The following PTPRD variants were observed in gnomAD, a reference collection of about 807,000 sequenced individuals.
The protein encoded by PTPRD is protein tyrosine phosphatase receptor type D, also known as receptor-type tyrosine-protein phosphatase delta.
A neutral mutation model predicts 214.5 loss-of-function variants in PTPRD; 34 were observed. The ratio of observed to expected loss-of-function variants is 0.16; its 90% CI spans 0.12 to 0.21. PTPRD has a LOEUF of 0.21. PTPRD is among the 10% of genes least tolerant of loss of function. The pLI, the probability that PTPRD is intolerant of heterozygous loss-of-function variation, is 1.00. For synonymous variants in PTPRD, 1,128 were observed against 845.7 expected (o/e 1.33, Z -5.79); for missense variants, 2,545 against 2,398.7 (o/e 1.06, Z -1.27).
chr9:9,538,363 G>C (rs2076929306), intron 8 of PTPRD, among the ~76,000 whole-genome samples: 2 of 151,878 alleles, frequency 1.3e-5, no homozygotes, highest in African/African-American at 4.8e-5. Flanking sequence ...TTGTCTCCGA[G>C]ACAACCATTA....
At chr9:10,468,054 G>C (rs574159072) in intron 2 of PTPRD, among the ~76,000 whole-genome samples, 83 of 152,250 alleles carry the variant, frequency 5.5e-4, no homozygotes, top group African/African-American at 1.9e-3. Flanking sequence ...CTGTTGGTGG[G>C]AGTGTAAATT....
chr9:8,371,559 T>TA (rs1456375869), intron 39 of PTPRD, among the ~76,000 whole-genome samples: 1 of 152,074 alleles, frequency 6.6e-6, no homozygotes, highest in African/African-American at 2.4e-5. Flanking sequence ...TCTCCAGAGT[T>TA]ACAACTCAAA....
chr9:8,766,393 A>T (rs2094750935), intron 11 of PTPRD, among the ~76,000 whole-genome samples: 1 of 152,120 alleles, frequency 6.6e-6, no homozygotes, highest in Non-Finnish European at 1.5e-5. Flanking sequence ...GGGACGGCAT[A>T]TTCTGCAGGG....
At chr9:8,677,288 G>C (rs931820556) in intron 12 of PTPRD, among the ~76,000 whole-genome samples, 2 of 152,104 alleles carry the variant, frequency 1.3e-5, no homozygotes, top group Non-Finnish European at 2.9e-5. Context: ...ATCAACAGTA[G>C]ACAGGATAAA....
chr9:10,504,231 C>A (rs1445856919), intron 2 of PTPRD, among the ~76,000 whole-genome samples: 1 of 149,700 alleles, frequency 6.7e-6, no homozygotes, highest in Non-Finnish European at 1.5e-5. Flanking sequence ...ATATATGCAT[C>A]GAACTCTCTC....
At chr9:8,511,841 C>T (rs1216586481) in intron 21 of PTPRD, among the ~76,000 whole-genome samples, 1 of 152,022 alleles carries the variant, frequency 6.6e-6, no homozygotes, top group East Asian at 1.9e-4. Flanking sequence ...AGATCATAAT[C>T]CTACTGATAC....
chr9:9,863,484 T>C (rs1381709211), intron 5 of PTPRD, among the ~76,000 whole-genome samples: 1 of 152,180 alleles, frequency 6.6e-6, no homozygotes, highest in Non-Finnish European at 1.5e-5. Context: ...TCTCCCATTG[T>C]GTAGCAACTA....
Position 9,134,113 on chromosome 9 carries a change from T to C in PTPRD, c.-143+49191A>G, listed in dbSNP as rs79045182. 5.2e-3 allele frequency among the ~76,000 whole-genome samples: 683 copies of C among 132,076 alleles called. 27 individuals carry two copies. Among genetic ancestry groups the C allele is most frequent in the African/African-American group, 0.018 (615 of 34,954 alleles). The allele number at this position is 132,076 out of a possible 152,430, so 86.6% of individuals were successfully genotyped here. ...CGGAGTCTCGCTCTGTCGCCCAGGC[T>C]GGACTGCGGACTGCAGTGGCGCAAT... On this transcript the variant is annotated intron_variant, in intron 10 of 45. Coordinates refer to ENST00000381196, the MANE Select transcript of PTPRD (RefSeq NM_002839.4).
At chr9:10,479,836 C>T (rs893475396) in intron 2 of PTPRD, among the ~76,000 whole-genome samples, 2 of 151,674 alleles carry the variant, frequency 1.3e-5, no homozygotes, top group East Asian at 1.9e-4. Context: ...AAGAACAAAC[C>T]GCGGAGCTGT....
chr9:8,770,440 A>G (rs2095117345), intron 11 of PTPRD, among the ~76,000 whole-genome samples: 1 of 152,128 alleles, frequency 6.6e-6, no homozygotes, highest in Non-Finnish European at 1.5e-5. Context: ...ATGTTCTATG[A>G]GCTTTGTCTA....
intron 9 of PTPRD, among the ~76,000 whole-genome samples, chr9:9,216,036 C>T (rs1275540194): frequency 6.6e-6 from 1 of 152,154 alleles, no homozygotes; most frequent in Non-Finnish European, 1.5e-5. Context: ...TCAGAACACA[C>T]AATCTAGTGT....
intron 12 of PTPRD, among the ~76,000 whole-genome samples, chr9:8,647,263 A>G (rs1179085592): frequency 6.6e-6 from 1 of 152,202 alleles, no homozygotes; most frequent in Non-Finnish European, 1.5e-5. Flanking sequence ...TTTTAAGTAA[A>G]ATGACTTTAC....
chr9:9,582,571 C>A (rs56398723), intron 7 of PTPRD, among the ~76,000 whole-genome samples: 10 of 151,864 alleles, frequency 6.6e-5, no homozygotes, highest in African/African-American at 2.4e-4. Context: ...GAGAATAAAA[C>A]GTGGGAGGAA....
At chr9:9,979,900 T>G (rs1212464743) in intron 4 of PTPRD, among the ~76,000 whole-genome samples, 2 of 152,156 alleles carry the variant, frequency 1.3e-5, no homozygotes, top group African/African-American at 2.4e-5. Context: ...AAATACGGGA[T>G]GCTTGATAAA....
intron 3 of PTPRD, among the ~76,000 whole-genome samples, chr9:10,302,734 C>T (rs2095903837): frequency 6.6e-6 from 1 of 152,122 alleles, no homozygotes; most frequent in African/African-American, 2.4e-5. Flanking sequence ...TATATATGCA[C>T]CCAATACAGG....
rs562570097 is a variant in PTPRD at position 8,985,051 on chromosome 9, T to C, written c.-104+33646A>G. Among the ~76,000 whole-genome samples, 194 of 152,246 alleles carry C rather than the reference T, an allele frequency of 1.3e-3. 2 individuals carry two copies. Among genetic ancestry groups the C allele is most frequent in the African/African-American group, 4.5e-3 (187 of 41,570 alleles). On this transcript the variant is annotated intron_variant, in intron 11 of 45. Coordinates refer to ENST00000381196, the MANE Select transcript of PTPRD (RefSeq NM_002839.4). ...TCTTGCAAGCTCAATTTTTAGAATC[T>C]AGTTCAATGGGCTGAAAGAAAAACA...
At chr9:10,111,794 C>G in intron 3 of PTPRD, among the ~76,000 whole-genome samples, 1 of 152,172 alleles carries the variant, frequency 6.6e-6, no homozygotes, top group Admixed American at 6.5e-5. Context: ...ACTGCTACTT[C>G]TTAGCTCTGT....
At chr9:9,184,384 C>T (rs2099930111) in intron 9 of PTPRD, among the ~76,000 whole-genome samples, 1 of 152,030 alleles carries the variant, frequency 6.6e-6, no homozygotes, top group Non-Finnish European at 1.5e-5. Flanking sequence ...ATATGATCCT[C>T]ATTCTATGTT....
intron 11 of PTPRD, among the ~76,000 whole-genome samples, chr9:8,741,582 T>TTTTTTTTTTTTTTTTTTTTG (rs2091948759): frequency 2.8e-5 from 1 of 35,330 alleles, no homozygotes; most frequent in Non-Finnish European, 7.5e-5. Context: ...TTTTTTTTTT[T>TTTTTTTTTTTTTTTTTTTTG]TTTTTTTTTT....
Sources: allele counts gnomAD v4.1 joint callset (sites outside exome capture counted in the v4.1 genomes callset), GRCh38; gene constraint gnomAD v4.1.1; transcripts MANE v1.5; gene names NCBI Gene and HGNC (gene_info 2026-07-23, HGNC 2026-07-21).